ABCC4: variants seen among roughly 807,000 people sequenced by gnomAD.
ABCC4 encodes ATP-binding cassette sub-family C member 4.
Under a neutral mutation model 168.5 loss-of-function variants are expected in ABCC4, and 102 were observed. That is an observed-to-expected ratio of 0.61 (90% CI 0.52 to 0.71). The LOEUF (loss-of-function observed/expected upper bound fraction) is 0.71, where lower values mean the gene tolerates loss of function less well. Among genes scored for constraint, ABCC4 ranks in the 30% least tolerant of loss-of-function variants. The pLI is 0.00. For synonymous variants in ABCC4, 617 were observed against 590.7 expected (o/e 1.04, Z -0.65); for missense variants, 1,402 against 1,605.8 (o/e 0.87, Z 2.17).
intron 1 of ABCC4, among the ~76,000 whole-genome samples, chr13:95,263,630 C>T (rs1179521158): frequency 1.3e-5 from 2 of 152,104 alleles, no homozygotes; most frequent in Non-Finnish European, 2.9e-5. Flanking sequence ...CAAGACCAGC[C>T]TGGCCAACAT....
At chr13:95,151,167 A>G (rs2036660948) in intron 19 of ABCC4, among the ~76,000 whole-genome samples, 1 of 152,168 alleles carries the variant, frequency 6.6e-6, no homozygotes, top group Admixed American at 6.5e-5. Context: ...ATAGATTCTG[A>G]CACAGGATGG....
At chr13:95,132,782 T>C (rs943987044) in intron 19 of ABCC4, among the ~76,000 whole-genome samples, 1 of 152,026 alleles carries the variant, frequency 6.6e-6, no homozygotes, top group Non-Finnish European at 1.5e-5. Flanking sequence ...AGATGAACCA[T>C]AAGGACATTA....
intron 14 of ABCC4, among the ~76,000 whole-genome samples, chr13:95,167,222 T>A (rs1261398918): frequency 1.5e-5 from 2 of 137,792 alleles, no homozygotes; most frequent in Non-Finnish European, 1.6e-5. Context: ...AAATAAATAA[T>A]TGCCCCAAAG....
intron 4 of ABCC4, among the ~76,000 whole-genome samples, chr13:95,231,243 C>T (rs1015210624): frequency 6.6e-6 from 1 of 152,040 alleles, no homozygotes; most frequent in Admixed American, 6.6e-5. Context: ...TTAATGCAAA[C>T]GAACTACTAC....
chr13:95,058,672 G>GA, intron 26 of ABCC4, among the ~76,000 whole-genome samples: 1 of 151,300 alleles, frequency 6.6e-6, no homozygotes, highest in Non-Finnish European at 1.5e-5. Flanking sequence ...AATACTTACT[G>GA]AAAAAAAATT....
intron 20 of ABCC4, among the ~76,000 whole-genome samples, chr13:95,087,707 G>A (rs2034302672): frequency 6.6e-6 from 1 of 152,202 alleles, no homozygotes; most frequent in Admixed American, 6.5e-5. Context: ...ACACTTAAAT[G>A]TAAGCTCCTA....
At chr13:95,226,281 C>G (rs976574535) in intron 4 of ABCC4, among the ~76,000 whole-genome samples, 1 of 151,748 alleles carries the variant, frequency 6.6e-6, no homozygotes, top group African/African-American at 2.4e-5. Flanking sequence ...TTAGAATAGT[C>G]AAAACAATCA....
rs376434484 is a variant in ABCC4 at position 95,267,617 on chromosome 13, G to A, written c.75-19864C>T. Reference sequence around the variant, plus strand: ...TGAAGAGTAAGGAGTGGAGGGGAAGGAAGTCATATAATAAAGAATTTGGCT... The same window carrying A: ...TGAAGAGTAAGGAGTGGAGGGGAAGAAAGTCATATAATAAAGAATTTGGCT... On this transcript the variant is annotated intron_variant, in intron 1 of 30. Transcript: ENST00000645237. Among the ~76,000 whole-genome samples the A allele has an allele frequency of 4.6e-5, 7 of 152,194 alleles. 1 individual carries two copies. In the East Asian group the frequency reaches 5.8e-4, roughly 13 times the overall value.
rs187743804 is a variant in ABCC4 at position 95,188,396 on chromosome 13, C to T, written c.1353+57G>A. The T allele has an allele frequency of 1.5e-4, 224 of 1,525,622 alleles. No individual in the cohort carries two copies. In the East Asian group the frequency reaches 4.7e-3, roughly 32 times the overall value. 94.5% of individuals were successfully genotyped at this position (1,525,622 alleles called of 1,614,324 possible). A position where few individuals can be genotyped will look rare whatever the true frequency, so the allele number is the denominator to read the frequency against. On this transcript the variant is annotated intron_variant, in intron 10 of 30. Coordinates refer to ENST00000645237, the MANE Select transcript of ABCC4 (RefSeq NM_005845.5). ...ACACGTAGCCTTGGGCTCAAACCCACGAAGTTAATATGATAAGTGGGGTTG... is the reference window on the plus strand; with the variant it reads ...ACACGTAGCCTTGGGCTCAAACCCATGAAGTTAATATGATAAGTGGGGTTG...
rs201038632 is a variant in ABCC4 at position 95,071,777 on chromosome 13, G to T, written c.3095C>A (p.Pro1032Gln). ...EAPWEYQKRP[P>Q]PAWPHEGVII... Reference sequence around the variant, plus strand: ...CACTCCTTCATGGGGCCAGGCTGGTGGTGGGCGTTTCTGATATTCCCAAGG... The same window carrying T: ...CACTCCTTCATGGGGCCAGGCTGGTTGTGGGCGTTTCTGATATTCCCAAGG... Residue 1032 changes from proline (P) to glutamine (Q), a missense_variant, in exon 25 of 31, where the codon CCA (proline) becomes CAA (glutamine). Around this residue, in one of 3 missense-constraint regions of ABCC4, gnomAD observed 1,007 missense variants for 1,127.3 expected, o/e 0.89. Transcript: ENST00000645237. 14 of 1,608,202 alleles carry T rather than the reference G, an allele frequency of 8.7e-6. 1 individual carries two copies. The highest frequency in any genetic ancestry group is 1.6e-4 in the Middle Eastern group (1 of 6,072).
intron 1 of ABCC4, among the ~76,000 whole-genome samples, chr13:95,273,797 TG>T (rs35476049): frequency 0.094 from 11,444 of 121,720 alleles, 605 homozygotes; most frequent in East Asian, 0.16. Flanking sequence ...CGAGATCTGA[TG>T]GGTTTTTTTT....
intron 4 of ABCC4, among the ~76,000 whole-genome samples, chr13:95,231,142 G>A (rs1341622222): frequency 1.3e-5 from 2 of 152,190 alleles, no homozygotes; most frequent in Non-Finnish European, 2.9e-5. Context: ...GTGGACACCA[G>A]TGCCTAATGG....
At chr13:95,289,627 G>A (rs538395569) in intron 1 of ABCC4, among the ~76,000 whole-genome samples, 19 of 152,276 alleles carry the variant, frequency 1.2e-4, no homozygotes, top group African/African-American at 4.6e-4. Flanking sequence ...TCCTATTGTG[G>A]TAATGGTTCT....
At chr13:95,175,088 C>T (rs1031768032) in intron 13 of ABCC4, among the ~76,000 whole-genome samples, 1 of 152,142 alleles carries the variant, frequency 6.6e-6, no homozygotes, top group Non-Finnish European at 1.5e-5. Context: ...GGTGGGTAAA[C>T]GTTCAGGAAC....
intron 24 of ABCC4, among the ~76,000 whole-genome samples, chr13:95,072,536 T>C (rs2033767560): frequency 6.6e-6 from 1 of 152,236 alleles, no homozygotes; most frequent in South Asian, 2.1e-4. Flanking sequence ...AACTGGATGA[T>C]CGTGAAACCT....
chr13:95,039,791 A>G (rs761652232), intron 29 of ABCC4, among the ~76,000 whole-genome samples: 22 of 152,260 alleles, frequency 1.4e-4, no homozygotes, highest in Non-Finnish European at 3.1e-4. Flanking sequence ...GCAGGATGCC[A>G]TCGCTGATAG....
At chr13:95,133,652 C>A (rs1377786246) in intron 19 of ABCC4, among the ~76,000 whole-genome samples, 3 of 152,170 alleles carry the variant, frequency 2.0e-5, no homozygotes, top group South Asian at 2.1e-4. Flanking sequence ...CCTCCCACCT[C>A]CAACAAAGGA....
intron 8 of ABCC4, among the ~76,000 whole-genome samples, chr13:95,199,926 T>C (rs1010192941): frequency 6.6e-6 from 1 of 152,182 alleles, no homozygotes; most frequent in Non-Finnish European, 1.5e-5. Flanking sequence ...ACGCACACAA[T>C]GCTGCAGGCT....
At chr13:95,031,406 G>A (rs1018567988) in intron 30 of ABCC4, among the ~76,000 whole-genome samples, 5 of 152,154 alleles carry the variant, frequency 3.3e-5, no homozygotes, top group Admixed American at 1.3e-4. Flanking sequence ...CTACTTAGGG[G>A]AAGACATCGG....
Sources: gnomAD v4.1 joint callset for allele counts (sites outside exome capture counted in the v4.1 genomes callset) on GRCh38, gnomAD v4.1.1 for gene constraint, gnomAD v4.1.1 regional missense constraint, MANE v1.5 for transcripts, NCBI Gene and HGNC (gene_info 2026-07-23, HGNC 2026-07-21) for gene names.